Variants in EHD3 observed in about 807,000 individuals in gnomAD.
EHD3 encodes the protein EH domain containing 3, also known as EH domain-containing protein 3.
EHD3 carries 17 observed loss-of-function variants against 43.0 expected under a neutral mutation model. The observed-to-expected ratio is 0.40, with a 90% CI of 0.27 to 0.59. EHD3 has a LOEUF of 0.59. EHD3 is among the 20% of genes least tolerant of loss of function. EHD3 has a pLI of 0.49. For synonymous variants in EHD3, 313 were observed against 289.5 expected (o/e 1.08, Z -0.82); for missense variants, 594 against 705.6 (o/e 0.84, Z 1.79).
intron 5 of EHD3, among the ~76,000 whole-genome samples, chr2:31,265,694 G>A (rs1683935852): frequency 6.6e-6 from 1 of 152,114 alleles, no homozygotes; most frequent in Non-Finnish European, 1.5e-5. Context: ...AGGGCGCTGG[G>A]GGAGTGAACG....
intron 1 of EHD3, among the ~76,000 whole-genome samples, chr2:31,238,030 C>CCCAGAAGTG (rs1426964158): frequency 1.3e-5 from 2 of 151,686 alleles, no homozygotes; most frequent in Non-Finnish European, 2.9e-5. Flanking sequence ...TTTTGAGATT[C>CCCAGAAGTG]CCAGAAGTGG....
At chr2:31,255,050 A>G (rs758668250) in intron 3 of EHD3, among the ~76,000 whole-genome samples, 18 of 152,166 alleles carry the variant, frequency 1.2e-4, no homozygotes, top group Non-Finnish European at 2.5e-4. Flanking sequence ...CTTGCCTGGC[A>G]TTACTTCAAA....
At chr2:31,261,800 G>GCCCCCCAGGGAGAACC in intron 5 of EHD3, 87 bp downstream of exon 5, 1 of 1,504,776 alleles carries the variant, frequency 6.6e-7, no homozygotes, top group Non-Finnish European at 9.0e-7. Context: ...CACTCTTGGA[G>GCCCCCCAGGGAGAACC]CCCCCCAGGG....
chr2:31,265,360 G>C (rs1046075275), intron 5 of EHD3, among the ~76,000 whole-genome samples: 1 of 152,178 alleles, frequency 6.6e-6, no homozygotes, highest in South Asian at 2.1e-4. Flanking sequence ...GTTTACACCA[G>C]CATCACCACA....
At chr2:31,249,620 C>A in intron 3 of EHD3, 152 bp downstream of exon 3, 2 of 692,638 alleles carry the variant, frequency 2.9e-6, no homozygotes, top group Admixed American at 5.3e-5. Flanking sequence ...TTACCTGGGG[C>A]AGTCCTAGGC....
At chr2:31,241,666 C>T (rs949342955) in intron 1 of EHD3, among the ~76,000 whole-genome samples, 4 of 152,092 alleles carry the variant, frequency 2.6e-5, no homozygotes, top group South Asian at 2.1e-4. Flanking sequence ...TCAGTCTGAA[C>T]GATTACCCGC....
intron 3 of EHD3, among the ~76,000 whole-genome samples, chr2:31,256,088 G>A (rs971916976): frequency 6.6e-6 from 1 of 152,170 alleles, no homozygotes; most frequent in African/African-American, 2.4e-5. Flanking sequence ...AAGAGACAGA[G>A]GACTAGAGAG....
chr2:31,260,867 G>C lies in EHD3; in HGVS notation c.860G>C (p.Arg287Pro). 6.2e-7 allele frequency: 1 copy of C among 1,613,970 alleles called. No homozygotes were observed. The highest frequency in any genetic ancestry group is 8.5e-7 in the Non-Finnish European group (1 of 1,179,954). The change falls in exon 4 of 6, where the codon CGA becomes CCA. Residue 287 changes from arginine (R) to proline (P), a missense_variant. Arg to Pro is a moderately radical substitution (Grantham distance 103, BLOSUM62 -2). Coordinates refer to ENST00000322054, the MANE Select transcript of EHD3 (RefSeq NM_014600.3). This position sits in a 1 kb window ranked among gnomAD's most constrained non-coding sequence, Gnocchi z 4.6. ...TTCAGGGACATCCAGAGTCTGCCCC[G>C]AAATGCTGCCCTGCGCAAGCTCAAC... ...DLFRDIQSLP[R>P]NAALRKLNDL...
intron 1 of EHD3, among the ~76,000 whole-genome samples, chr2:31,240,936 G>A (rs1202528583): frequency 6.6e-6 from 1 of 152,162 alleles, no homozygotes; most frequent in Non-Finnish European, 1.5e-5. Flanking sequence ...CAGGTGCCTG[G>A]GCAGGCAAAG....
chr2:31,235,783 C>A (rs1683313179), intron 1 of EHD3, among the ~76,000 whole-genome samples: 1 of 152,210 alleles, frequency 6.6e-6, no homozygotes. Flanking sequence ...GAGAAGTCCA[C>A]CAGAGGCCCT....
At chr2:31,243,441 TTTC>T (rs1455255097) in intron 1 of EHD3, among the ~76,000 whole-genome samples, 4 of 94,830 alleles carry the variant, frequency 4.2e-5, no homozygotes, top group Non-Finnish European at 7.6e-5. Context: ...TCTTTCTTTC[TTTC>T]TTTCTTTCTT....
chr2:31,264,754 C>T (rs1331395391), intron 5 of EHD3, among the ~76,000 whole-genome samples: 4 of 151,762 alleles, frequency 2.6e-5, no homozygotes, highest in Admixed American at 6.6e-5. Flanking sequence ...AGGATGGTCT[C>T]GATCTCTTGA....
At chr2:31,258,828 G>T (rs1683798390) in intron 3 of EHD3, among the ~76,000 whole-genome samples, 1 of 152,230 alleles carries the variant, frequency 6.6e-6, no homozygotes, top group Non-Finnish European at 1.5e-5. Context: ...CTGGGAGCTT[G>T]TTAGAAATGC....
At position 31,267,353 on chromosome 2, in the gene EHD3, A is replaced by G. The variant is rs1474614897; in HGVS notation, c.*649A>G. 1 of 152,232 alleles carries G rather than the reference A, an allele frequency of 6.6e-6. No individual in the cohort carries two copies. The highest frequency in any genetic ancestry group is 2.4e-5 in the African/African-American group (1 of 41,434). 9.4% of individuals were successfully genotyped at this position (152,232 alleles called of 1,614,324 possible). A position where few individuals can be genotyped will look rare whatever the true frequency, so the allele number is the denominator to read the frequency against. On this transcript the variant is annotated 3_prime_UTR_variant, in exon 6 of 6. Transcript: ENST00000322054. ...AAAGAATCCCAGAGCGGGAGAGAGA[A>G]GAGAAAAAAATTGATAAGAGTGAGG...
At chr2:31,242,450 T>C (rs1683440304) in intron 1 of EHD3, among the ~76,000 whole-genome samples, 1 of 152,208 alleles carries the variant, frequency 6.6e-6, no homozygotes. Context: ...ATTATAATCT[T>C]TATCTGGGAA....
rs753015995 is a variant in EHD3 at position 31,266,323 on chromosome 2, G to A, written c.1227G>A (p.Val409=). 6.2e-7 allele frequency: 1 copy of A among 1,614,208 alleles called. No individual in the cohort carries two copies. The highest frequency in any genetic ancestry group is 1.1e-5 in the South Asian group (1 of 91,088). ...AGTCACAGCGGCCCATCCAGATGGTGAAGGGCGGAGCGTTCGAGGGCACCC... is the reference window on the plus strand; with the variant it reads ...AGTCACAGCGGCCCATCCAGATGGTAAAGGGCGGAGCGTTCGAGGGCACCC... ...QEESQRPIQM[V]KGGAFEGTLH... is the part of the protein sequence containing the mutation. Residue 409 remains valine (V), a synonymous_variant, in exon 6 of 6, where the codon GTG becomes GTA. Transcript: ENST00000322054. This position sits in a 1 kb window ranked among gnomAD's most constrained non-coding sequence, Gnocchi z 5.1.
rs771581623 is a variant in EHD3 at position 31,266,754 on chromosome 2, C to T, written c.*50C>T. 38 of 1,470,382 alleles carry T rather than the reference C, an allele frequency of 2.6e-5. 1 individual carries two copies. Among genetic ancestry groups the T allele is most frequent in the African/African-American group, 1.5e-4 (10 of 67,274 alleles). The allele number at this position is 1,470,382 out of a possible 1,614,324, so 91.1% of individuals were successfully genotyped here. ...GCAGTGTTAGAGGAGGAGATGGGAG[C>T]GGTGACTACACACACACACACACAC... On this transcript the variant is annotated 3_prime_UTR_variant, in exon 6 of 6. Coordinates refer to ENST00000322054, the MANE Select transcript of EHD3 (RefSeq NM_014600.3). The surrounding 1 kb of genome is among the most constrained non-coding windows in gnomAD (Gnocchi z 5.1).
rs369424115 is a variant in EHD3, at chr2:31,260,658, G to T, written c.651G>T (p.Val217=). ...LKNHEDKMRV[V]LNKADQIETQ... is the part of the protein sequence containing the mutation. ...ACCACGAGGACAAGATGCGAGTGGT[G>T]CTGAACAAAGCTGACCAGATCGAGA... The change falls in exon 4 of 6, where the codon GTG becomes GTT. Residue 217 remains valine (V), a synonymous_variant. Transcript: ENST00000322054. The surrounding 1 kb of genome is among the most constrained non-coding windows in gnomAD (Gnocchi z 4.6). 1 of 1,614,220 alleles carries T rather than the reference G, an allele frequency of 6.2e-7. No individual in the cohort carries two copies. The highest frequency in any genetic ancestry group is 8.5e-7 in the Non-Finnish European group (1 of 1,180,046).
At chr2:31,251,106 C>T (rs369793979) in intron 3 of EHD3, among the ~76,000 whole-genome samples, 4 of 152,184 alleles carry the variant, frequency 2.6e-5, no homozygotes, top group African/African-American at 4.8e-5. Context: ...TGTGTATTGA[C>T]GAGGCCCAAG....
Sources: gnomAD v4.1 joint callset for allele counts (sites outside exome capture counted in the v4.1 genomes callset) on GRCh38, gnomAD v4.1.1 for gene constraint, Gnocchi (gnomAD v3.1) non-coding constraint, MANE v1.5 for transcripts, NCBI Gene and HGNC (gene_info 2026-07-23, HGNC 2026-07-21) for gene names.